The following SEM1 variants were observed in gnomAD, a reference collection of about 807,000 sequenced individuals.
SEM1 encodes SEM1 26S proteasome subunit, also known as 26S proteasome complex subunit SEM1.
Under a neutral mutation model 12.7 loss-of-function variants are expected in SEM1, and 3 were observed. The ratio of observed to expected loss-of-function variants is 0.24; its 90% CI spans 0.11 to 0.61. The LOEUF is 0.61. Among genes scored for constraint, SEM1 ranks in the 20% least tolerant of loss-of-function variants. The pLI is 0.88. For missense variants in SEM1, 59 were observed against 81.3 expected (o/e 0.73, Z 1.06); for synonymous variants, 30 against 27.8 (o/e 1.08, Z -0.25).
chr7:96,705,273 C>T (rs1041769559), intron 1 of SEM1, among the ~76,000 whole-genome samples: 4 of 150,664 alleles, frequency 2.7e-5, no homozygotes. Flanking sequence ...GTATAGAATA[C>T]TTAGTATAAT....
intron 2 of SEM1, among the ~76,000 whole-genome samples, chr7:96,677,246 G>A (rs1469953846): frequency 2.0e-5 from 3 of 152,104 alleles, no homozygotes; most frequent in Non-Finnish European, 4.4e-5. Context: ...GAAGATAATC[G>A]AGAGAAGGGA....
chr7:96,560,980 C>T (rs1449283674), intron 2 of SEM1, among the ~76,000 whole-genome samples: 1 of 152,034 alleles, frequency 6.6e-6, no homozygotes, highest in Non-Finnish European at 1.5e-5. Flanking sequence ...CAGGGTCTTG[C>T]TATATTGCCA....
chr7:96,668,251 T>C (rs1789221731), intron 2 of SEM1, among the ~76,000 whole-genome samples: 2 of 152,202 alleles, frequency 1.3e-5, no homozygotes, highest in South Asian at 2.1e-4. Context: ...TAGTATTGTT[T>C]TGTACGGCTG....
chr7:96,611,802 T>C (rs1379102602), intron 2 of SEM1, among the ~76,000 whole-genome samples: 2 of 152,222 alleles, frequency 1.3e-5, no homozygotes, highest in Non-Finnish European at 2.9e-5. Flanking sequence ...AGCTTTTCCA[T>C]CCGGTGCTAG....
At chr7:96,561,282 G>A (rs1351958832) in intron 2 of SEM1, among the ~76,000 whole-genome samples, 2 of 152,158 alleles carry the variant, frequency 1.3e-5, no homozygotes, top group Admixed American at 6.5e-5. Context: ...TGCAGTTGAA[G>A]CAATGGAAAA....
downstream of SEM1, among the ~76,000 whole-genome samples, chr7:96,684,090 G>T: frequency 6.6e-6 from 1 of 152,040 alleles, no homozygotes; most frequent in East Asian, 1.9e-4. Context: ...CCTAGAGCAA[G>T]TTCAATGACA....
At chr7:96,528,919 T>A (rs1804551879) in intron 2 of SEM1, among the ~76,000 whole-genome samples, 1 of 152,152 alleles carries the variant, frequency 6.6e-6, no homozygotes, top group African/African-American at 2.4e-5. Flanking sequence ...GATATTGTAT[T>A]CTAAAATATA....
intron 2 of SEM1, among the ~76,000 whole-genome samples, chr7:96,626,860 G>A (rs1808087025): frequency 1.3e-5 from 2 of 152,120 alleles, no homozygotes; most frequent in African/African-American, 4.8e-5. Flanking sequence ...AGTAGAATTG[G>A]TATTAGTTCT....
intron 2 of SEM1, among the ~76,000 whole-genome samples, chr7:96,634,684 A>G (rs1243524211): frequency 1.3e-5 from 2 of 151,622 alleles, no homozygotes; most frequent in African/African-American, 4.8e-5. Flanking sequence ...ATTTAATCTG[A>G]TAAGTGAATG....
At chr7:96,592,592 G>A (rs1167578450) in intron 2 of SEM1, among the ~76,000 whole-genome samples, 1 of 151,630 alleles carries the variant, frequency 6.6e-6, no homozygotes, top group African/African-American at 2.4e-5. Flanking sequence ...GCTGTCTTCC[G>A]TTGGAGAACG....
intron 2 of SEM1, among the ~76,000 whole-genome samples, chr7:96,546,880 T>TAGAA (rs1805118161): frequency 6.6e-6 from 1 of 152,132 alleles, no homozygotes; most frequent in South Asian, 2.1e-4. Flanking sequence ...CCTAGTTGAT[T>TAGAA]AGAAGCCAAG....
chr7:96,533,854 C>T (rs1488506374), intron 2 of SEM1, among the ~76,000 whole-genome samples: 2 of 151,938 alleles, frequency 1.3e-5, no homozygotes, highest in African/African-American at 4.8e-5. Flanking sequence ...AAGGCAGTGG[C>T]ACCAAACTGT....
intron 2 of SEM1, among the ~76,000 whole-genome samples, chr7:96,597,498 C>G (rs969069328): frequency 2.0e-5 from 3 of 151,954 alleles, no homozygotes; most frequent in Admixed American, 6.6e-5. Flanking sequence ...GTAGCTTATC[C>G]TTGAGATATT....
At chr7:96,558,111 C>T (rs1475050749) in intron 2 of SEM1, 3 of 153,124 alleles carry the variant, frequency 2.0e-5, no homozygotes, top group Admixed American at 6.5e-5. Context: ...GAGATGAACC[C>T]GGTACCTCAG....
chr7:96,519,872 C>T (rs554630229), intron 2 of SEM1, among the ~76,000 whole-genome samples: 9 of 151,972 alleles, frequency 5.9e-5, no homozygotes, highest in African/African-American at 9.6e-5. Context: ...TATTTGGTGA[C>T]GGAGTGAGAA....
chr7:96,528,150 C>T (rs1049951982), intron 2 of SEM1, among the ~76,000 whole-genome samples: 15 of 152,092 alleles, frequency 9.9e-5, no homozygotes, highest in East Asian at 5.8e-4. Context: ...TGTTATTAAA[C>T]CTCAATTGCC....
At chr7:96,512,194 A>T (rs1803955675) in intron 2 of SEM1, among the ~76,000 whole-genome samples, 1 of 152,082 alleles carries the variant, frequency 6.6e-6, no homozygotes. Flanking sequence ...GGCCCATATC[A>T]GGAAAATTAA....
At chr7:96,560,898 C>T (rs913175312) in intron 2 of SEM1, among the ~76,000 whole-genome samples, 2 of 152,184 alleles carry the variant, frequency 1.3e-5, no homozygotes, top group African/African-American at 4.8e-5. Flanking sequence ...TTGTGCACTC[C>T]TTATTCAGTT....
intron 3 of SEM1, among the ~76,000 whole-genome samples, chr7:96,484,189 C>T (rs989916084): frequency 6.6e-6 from 1 of 152,128 alleles, no homozygotes; most frequent in African/African-American, 2.4e-5. Context: ...GATGCAATCG[C>T]TGGCAGAATA....
Sources: allele counts gnomAD v4.1 joint callset (sites outside exome capture counted in the v4.1 genomes callset), GRCh38; gene constraint gnomAD v4.1.1; transcripts MANE v1.5; gene names NCBI Gene and HGNC (gene_info 2026-07-23, HGNC 2026-07-21).